The following MTA3 variants were observed in gnomAD, a reference collection of about 807,000 sequenced individuals.
MTA3 encodes metastasis associated 1 family member 3.
MTA3 carries 34 observed loss-of-function variants against 83.5 expected under a neutral mutation model. That is an observed-to-expected ratio of 0.41 (90% CI 0.31 to 0.54). The LOEUF is 0.54. MTA3 is among the 20% of genes least tolerant of loss of function. MTA3 has a pLI of 0.33. For missense variants in MTA3, 761 were observed against 726.4 expected (o/e 1.05, Z -0.55); for synonymous variants, 303 against 252.7 (o/e 1.20, Z -1.89).
At chr2:42,747,642 G>T (rs1452091405) in intron 16 of MTA3, among the ~76,000 whole-genome samples, 1 of 151,318 alleles carries the variant, frequency 6.6e-6, no homozygotes, top group African/African-American at 2.4e-5. Context: ...TTACACTGTT[G>T]GGGCACTTAA....
intron 2 of MTA3, among the ~76,000 whole-genome samples, chr2:42,560,135 G>T (rs1433196196): frequency 6.6e-6 from 1 of 151,808 alleles, no homozygotes; most frequent in African/African-American, 2.4e-5. Flanking sequence ...CGATTCTCCC[G>T]CCTCAGCCTT....
intron 7 of MTA3, among the ~76,000 whole-genome samples, chr2:42,657,710 T>G (rs1161829815): frequency 6.6e-6 from 1 of 150,622 alleles, no homozygotes; most frequent in African/African-American, 2.4e-5. Flanking sequence ...GGAGGATTGT[T>G]TGAGTCCAGG....
At chr2:42,555,040 C>T (rs534572100) in intron 2 of MTA3, among the ~76,000 whole-genome samples, 1 of 152,246 alleles carries the variant, frequency 6.6e-6, no homozygotes, top group African/African-American at 2.4e-5. Context: ...GTAATCCTAG[C>T]TACTCGGTAG....
At chr2:42,520,991 T>C (rs1172071395) in intron 2 of MTA3, among the ~76,000 whole-genome samples, 1 of 152,144 alleles carries the variant, frequency 6.6e-6, no homozygotes, top group Non-Finnish European at 1.5e-5. Flanking sequence ...AATGGCAAAC[T>C]CCTTGTTGGC....
intron 11 of MTA3, among the ~76,000 whole-genome samples, chr2:42,698,766 A>AGTTCT (rs1331253856): frequency 6.6e-6 from 1 of 152,168 alleles, no homozygotes; most frequent in Non-Finnish European, 1.5e-5. Context: ...ATAGACAATG[A>AGTTCT]GTTCTGATCT....
chr2:42,655,600 A>G (rs1573495755), intron 6 of MTA3, among the ~76,000 whole-genome samples: 1 of 152,054 alleles, frequency 6.6e-6, no homozygotes, highest in African/African-American at 2.4e-5. Context: ...TGTGGAAGTG[A>G]TGCTTTCTTT....
At chr2:42,741,750 A>G (rs1165504526) in intron 16 of MTA3, among the ~76,000 whole-genome samples, 2 of 152,148 alleles carry the variant, frequency 1.3e-5, no homozygotes, top group African/African-American at 4.8e-5. Context: ...TTATATGGGC[A>G]TGGCTTGTGG....
At chr2:42,627,778 A>G (rs1254881315) in intron 4 of MTA3, among the ~76,000 whole-genome samples, 1 of 129,806 alleles carries the variant, frequency 7.7e-6, no homozygotes, top group African/African-American at 3.0e-5. Context: ...TAGTTTCGCC[A>G]TGTTGGTCAG....
intron 14 of MTA3, among the ~76,000 whole-genome samples, chr2:42,715,406 C>CG (rs1421106442): frequency 9.6e-6 from 1 of 104,170 alleles, no homozygotes; most frequent in Non-Finnish European, 1.9e-5. Flanking sequence ...CCACCAACTA[C>CG]TTTTTTTTTT....
At chr2:42,730,331 A>C (rs545099318) in intron 16 of MTA3, among the ~76,000 whole-genome samples, 2 of 152,328 alleles carry the variant, frequency 1.3e-5, no homozygotes, top group South Asian at 4.1e-4. Flanking sequence ...TTCCCTGTTC[A>C]GTATGATACT....
At chr2:42,563,124 T>C (rs1294884220) in intron 2 of MTA3, among the ~76,000 whole-genome samples, 1 of 152,136 alleles carries the variant, frequency 6.6e-6, no homozygotes, top group Non-Finnish European at 1.5e-5. Context: ...CCAACTGATC[T>C]GGTCTGGAAT....
chr2:42,687,095 C>G (rs1475523249), intron 9 of MTA3, among the ~76,000 whole-genome samples: 2 of 152,194 alleles, frequency 1.3e-5, no homozygotes, highest in Non-Finnish European at 2.9e-5. Context: ...CCACTGCACT[C>G]TAGCCTAGGT....
chr2:42,725,844 G>GC (rs1667769976), intron 16 of MTA3, among the ~76,000 whole-genome samples: 1 of 152,316 alleles, frequency 6.6e-6, no homozygotes, highest in South Asian at 2.1e-4. Context: ...GGGGAAGTGT[G>GC]CTTGTAGAGT....
intron 14 of MTA3, among the ~76,000 whole-genome samples, chr2:42,718,588 C>G (rs1667190616): frequency 6.6e-6 from 1 of 151,494 alleles, no homozygotes; most frequent in Non-Finnish European, 1.5e-5. Flanking sequence ...CATGGTGAAA[C>G]CCCATCTCTA....
chr2:42,524,448 C>T (rs1675574910), intron 2 of MTA3, among the ~76,000 whole-genome samples: 1 of 150,932 alleles, frequency 6.6e-6, no homozygotes, highest in Admixed American at 6.6e-5. Flanking sequence ...CTACAATTGC[C>T]CGCCACCACG....
intron 4 of MTA3, among the ~76,000 whole-genome samples, chr2:42,619,299 A>G (rs1229487266): frequency 6.6e-6 from 1 of 152,212 alleles, no homozygotes; most frequent in African/African-American, 2.4e-5. Flanking sequence ...CTGTTTTGGA[A>G]TAGACAAAGA....
Position 42,502,488 on chromosome 2 carries a change from T to A in MTA3, c.-141+7234T>A, listed in dbSNP as rs981216531. ...GCCATGATTCTAATTTCCTTAGCTA[T>A]TATTGTTATTGGAAAGGGGTCCCAA... On this transcript the variant is annotated intron_variant, in intron 2 of 17. Transcript: ENST00000405592. 2.6e-5 allele frequency among the ~76,000 whole-genome samples: 4 copies of A among 152,268 alleles called. No homozygotes were observed. In the East Asian group the frequency reaches 7.7e-4, roughly 29 times the overall value.
chr2:42,622,107 T>TG (rs1448199706), intron 4 of MTA3, among the ~76,000 whole-genome samples: 1 of 152,148 alleles, frequency 6.6e-6, no homozygotes, highest in Non-Finnish European at 1.5e-5. Flanking sequence ...CACTCCAGCC[T>TG]GGGCAACATT....
chr2:42,499,799 A>C (rs887446641), intron 2 of MTA3, among the ~76,000 whole-genome samples: 2 of 151,976 alleles, frequency 1.3e-5, no homozygotes, highest in African/African-American at 2.4e-5. Flanking sequence ...AATAATAAAA[A>C]GACAGAAAGA....
Sources: gnomAD v4.1 joint callset for allele counts (sites outside exome capture counted in the v4.1 genomes callset) on GRCh38, gnomAD v4.1.1 for gene constraint, MANE v1.5 for transcripts, NCBI Gene and HGNC (gene_info 2026-07-23, HGNC 2026-07-21) for gene names.